FLRT1: variants seen among roughly 807,000 people sequenced by gnomAD.
The protein encoded by FLRT1 is leucine-rich repeat transmembrane protein FLRT1.
A neutral mutation model predicts 30.9 loss-of-function variants in FLRT1; 14 were observed. That is an observed-to-expected ratio of 0.45 (90% CI 0.30 to 0.71). The LOEUF is 0.71. FLRT1 is among the 30% of genes least tolerant of loss of function. The pLI is 0.08. For missense variants in FLRT1, 737 were observed against 949.2 expected (o/e 0.78, Z 2.94); for synonymous variants, 368 against 430.4 (o/e 0.85, Z 1.80).
At chr11:64,044,017 G>T (rs949099170) in intron 1 of FLRT1, among the ~76,000 whole-genome samples, 28 of 152,016 alleles carry the variant, frequency 1.8e-4, no homozygotes, top group African/African-American at 6.5e-4. Context: ...GATTCACCAT[G>T]TTAGGCAGGA....
At chr11:64,041,616 G>A (rs1943488903) in intron 1 of FLRT1, among the ~76,000 whole-genome samples, 1 of 152,114 alleles carries the variant, frequency 6.6e-6, no homozygotes, top group South Asian at 2.1e-4. Context: ...GGTGCAGCCA[G>A]GACCGAATGA....
intron 1 of FLRT1, among the ~76,000 whole-genome samples, chr11:64,068,018 G>A (rs1198987932): frequency 2.6e-5 from 4 of 152,158 alleles, no homozygotes; most frequent in Admixed American, 6.5e-5. Flanking sequence ...GAAAACCGCC[G>A]GTCTTGGGGG....
intron 1 of FLRT1, among the ~76,000 whole-genome samples, chr11:64,051,089 C>G (rs570421890): frequency 2.0e-5 from 3 of 152,348 alleles, no homozygotes; most frequent in African/African-American, 4.8e-5. Flanking sequence ...AGGAGAGATT[C>G]ACTCCATGGA....
intron 1 of FLRT1, among the ~76,000 whole-genome samples, chr11:64,038,960 T>G (rs146241071): frequency 6.6e-6 from 1 of 152,292 alleles, no homozygotes; most frequent in Non-Finnish European, 1.5e-5. Context: ...GTATGAGGTT[T>G]CTAGCAGAGT....
chr11:64,086,253 C>G (rs1026394770), intron 1 of FLRT1, among the ~76,000 whole-genome samples: 10 of 151,692 alleles, frequency 6.6e-5, no homozygotes, highest in African/African-American at 2.4e-4. Context: ...CATTCGGGGC[C>G]AGAGGGAGGC....
At chr11:64,100,229 A>G (rs1412173189) in intron 1 of FLRT1, among the ~76,000 whole-genome samples, 1 of 152,192 alleles carries the variant, frequency 6.6e-6, no homozygotes, top group Non-Finnish European at 1.5e-5. Flanking sequence ...GCATATATGT[A>G]TGGGCAGATT....
At chr11:64,093,847 C>T (rs1413448836) in intron 1 of FLRT1, among the ~76,000 whole-genome samples, 1 of 152,204 alleles carries the variant, frequency 6.6e-6, no homozygotes, top group African/African-American at 2.4e-5. Context: ...TTCAATATAC[C>T]ATTGATTCCT....
Position 64,064,573 on chromosome 11 carries a change from G to A in FLRT1, c.-1038+28414G>A, listed in dbSNP as rs982970051. ...CTGAGTCCTGCCTGCTGGCTGACAC[G>A]GAGCTGGCTTTCTTCCCTGGCCCTG... On this transcript the variant is annotated intron_variant, in intron 1 of 2. Coordinates refer to ENST00000682287, the MANE Select transcript of FLRT1 (RefSeq NM_013280.5). This position sits in a 1 kb window ranked among gnomAD's most constrained non-coding sequence, Gnocchi z 4.5. Among the ~76,000 whole-genome samples, 3 of 151,940 alleles carry A rather than the reference G, an allele frequency of 2.0e-5. No homozygotes were observed. The highest frequency in any genetic ancestry group is 7.2e-5 in the African/African-American group (3 of 41,402).
chr11:64,069,118 G>A (rs1944058864), intron 1 of FLRT1, among the ~76,000 whole-genome samples: 1 of 152,210 alleles, frequency 6.6e-6, no homozygotes, highest in Non-Finnish European at 1.5e-5. Flanking sequence ...GGGTGTGAGG[G>A]TGACGGTGTC....
At chr11:64,045,493 G>A (rs1280461415) in intron 1 of FLRT1, among the ~76,000 whole-genome samples, 1 of 152,156 alleles carries the variant, frequency 6.6e-6, no homozygotes, top group Non-Finnish European at 1.5e-5. Flanking sequence ...CCTGCCGTGG[G>A]GCAGCTGGAG....
At chr11:64,037,527 G>T (rs1943405617) in intron 1 of FLRT1, among the ~76,000 whole-genome samples, 1 of 152,216 alleles carries the variant, frequency 6.6e-6, no homozygotes, top group Non-Finnish European at 1.5e-5. Flanking sequence ...GACAGGGCCC[G>T]TGCCTGGGAG....
chr11:64,086,617 G>C (rs183338633), intron 1 of FLRT1, among the ~76,000 whole-genome samples: 1 of 152,078 alleles, frequency 6.6e-6, no homozygotes, highest in Non-Finnish European at 1.5e-5. Context: ...TGCTTTTTCC[G>C]GCCCCTGCAG....
At position 64,083,575 on chromosome 11, in the gene FLRT1, C is replaced by T. The variant is rs144869571; in HGVS notation, c.-1037-19619C>T. Among the ~76,000 whole-genome samples, 601 of 152,330 alleles carry T rather than the reference C, an allele frequency of 3.9e-3. 2 individuals are homozygous for T. Among genetic ancestry groups the T allele is most frequent in the African/African-American group, 0.013 (556 of 41,576 alleles). ...TCGTATTATGTTGTATTTCTGTAAGCTGCCACAAATCCTTTCGAGAACGAG... is the reference window on the plus strand; with the variant it reads ...TCGTATTATGTTGTATTTCTGTAAGTTGCCACAAATCCTTTCGAGAACGAG... On this transcript the variant is annotated intron_variant, in intron 1 of 2. Transcript: ENST00000682287.
At chr11:64,045,966 C>CACTCTGCAGGTAACATG (rs1268430415) in intron 1 of FLRT1, among the ~76,000 whole-genome samples, 1 of 152,212 alleles carries the variant, frequency 6.6e-6, no homozygotes, top group Admixed American at 6.5e-5. Context: ...ACTGAGCACT[C>CACTCTGCAGGTAACATG]ACTGTGGACC....
intron 1 of FLRT1, among the ~76,000 whole-genome samples, chr11:64,085,416 G>C (rs1331393305): frequency 6.6e-6 from 1 of 152,356 alleles, no homozygotes; most frequent in African/African-American, 2.4e-5. Context: ...GACGGAGGGC[G>C]GGGGAGACTG....
At chr11:64,088,863 C>T (rs891361958) in intron 1 of FLRT1, among the ~76,000 whole-genome samples, 2 of 152,064 alleles carry the variant, frequency 1.3e-5, no homozygotes, top group African/African-American at 2.4e-5. Context: ...TAGGCAGGAT[C>T]GCAGGCGGAA....
At chr11:64,085,885 A>T (rs1462060145) in intron 1 of FLRT1, among the ~76,000 whole-genome samples, 6 of 152,132 alleles carry the variant, frequency 3.9e-5, no homozygotes, top group African/African-American at 1.4e-4. Context: ...GGGGTGAGGA[A>T]AGGGGGCCCT....
intron 1 of FLRT1, among the ~76,000 whole-genome samples, chr11:64,102,416 G>T (rs1944686897): frequency 1.3e-5 from 2 of 152,164 alleles, no homozygotes; most frequent in Non-Finnish European, 2.9e-5. Context: ...GAAACACGGA[G>T]ACCCAACTTC....
intron 2 of FLRT1, among the ~76,000 whole-genome samples, chr11:64,114,371 G>T (rs1028402902): frequency 1.3e-5 from 2 of 148,750 alleles, no homozygotes; most frequent in African/African-American, 4.9e-5. Context: ...ACAGGTGCAT[G>T]TATGAATGGA....
Sources: gnomAD v4.1 joint callset for allele counts (sites outside exome capture counted in the v4.1 genomes callset) on GRCh38, gnomAD v4.1.1 for gene constraint, Gnocchi (gnomAD v3.1) non-coding constraint, MANE v1.5 for transcripts, NCBI Gene and HGNC (gene_info 2026-07-23, HGNC 2026-07-21) for gene names.